The following RASGRF2 variants were observed in gnomAD, a reference collection of about 807,000 sequenced individuals.
RASGRF2 encodes ras-specific guanine nucleotide-releasing factor 2.
RASGRF2 carries 76 observed loss-of-function variants against 151.0 expected under a neutral mutation model. The ratio of observed to expected loss-of-function variants is 0.50; its 90% CI spans 0.42 to 0.61. RASGRF2 has a LOEUF of 0.61. RASGRF2 is among the 20% of genes least tolerant of loss of function. The pLI, the probability that RASGRF2 is intolerant of heterozygous loss-of-function variation, is 0.00. For missense variants in RASGRF2, 1,148 were observed against 1,564.6 expected (o/e 0.73, Z 4.49); for synonymous variants, 504 against 566.5 (o/e 0.89, Z 1.57).
At chr5:81,177,589 C>T (rs963041469) in intron 17 of RASGRF2, among the ~76,000 whole-genome samples, 1 of 150,650 alleles carries the variant, frequency 6.6e-6, no homozygotes, top group African/African-American at 2.5e-5. Context: ...CAGACAGGTG[C>T]TTGTGCCCAG....
intron 22 of RASGRF2, chr5:81,210,134 A>G (rs991301368): frequency 6.6e-6 from 1 of 152,604 alleles, no homozygotes; most frequent in African/African-American, 2.4e-5. Flanking sequence ...TTAGGTTCAG[A>G]GTCAGGTTCC....
intron 17 of RASGRF2, among the ~76,000 whole-genome samples, chr5:81,145,535 A>AC (rs1753986452): frequency 6.6e-6 from 1 of 152,190 alleles, no homozygotes; most frequent in Non-Finnish European, 1.5e-5. Context: ...ATCGTGTATG[A>AC]CTTTGGCACC....
At chr5:80,993,882 G>T (rs1048154207) in intron 1 of RASGRF2, among the ~76,000 whole-genome samples, 1 of 152,158 alleles carries the variant, frequency 6.6e-6, no homozygotes, top group Non-Finnish European at 1.5e-5. Context: ...AAGCCAGAGG[G>T]TTTCCATGTA....
At chr5:81,077,119 G>A (rs372215776) in intron 5 of RASGRF2, among the ~76,000 whole-genome samples, 12 of 152,318 alleles carry the variant, frequency 7.9e-5, no homozygotes, top group Admixed American at 2.6e-4. Flanking sequence ...AAGGTGGTGG[G>A]ATCTGGGGAT....
At chr5:81,158,160 T>C (rs1373044457) in intron 17 of RASGRF2, among the ~76,000 whole-genome samples, 1 of 152,182 alleles carries the variant, frequency 6.6e-6, no homozygotes, top group African/African-American at 2.4e-5. Context: ...TAGTACAGTA[T>C]TAGCAAAAAG....
chr5:80,995,692 C>CCCG (rs1454316454), intron 1 of RASGRF2, among the ~76,000 whole-genome samples: 1 of 121,928 alleles, frequency 8.2e-6, no homozygotes, highest in African/African-American at 3.0e-5. Context: ...CTTCCCCCCC[C>CCCG]CTTTTTTTTT....
chr5:80,984,241 A>G (rs1748405416), intron 1 of RASGRF2, among the ~76,000 whole-genome samples: 2 of 152,200 alleles, frequency 1.3e-5, no homozygotes, highest in South Asian at 4.2e-4. Flanking sequence ...TTTAGTAGAG[A>G]TGGGGTTTTG....
At chr5:81,149,932 G>T (rs1754096520) in intron 17 of RASGRF2, among the ~76,000 whole-genome samples, 1 of 152,204 alleles carries the variant, frequency 6.6e-6, no homozygotes, top group African/African-American at 2.4e-5. Context: ...TCTGAGTACT[G>T]TGGGGTGGGC....
chr5:81,163,531 C>A (rs1423688756), intron 17 of RASGRF2, among the ~76,000 whole-genome samples: 1 of 152,002 alleles, frequency 6.6e-6, no homozygotes, highest in Admixed American at 6.6e-5. Context: ...ACTCTGCAGA[C>A]CCCCCAAACT....
At chr5:81,068,865 C>T (rs1411655362) in intron 3 of RASGRF2, among the ~76,000 whole-genome samples, 2 of 152,112 alleles carry the variant, frequency 1.3e-5, no homozygotes, top group East Asian at 3.9e-4. Flanking sequence ...ATAGAGAATC[C>T]TGAATGTACC....
At chr5:81,189,402 T>C (rs1229439299) in intron 18 of RASGRF2, among the ~76,000 whole-genome samples, 2 of 152,166 alleles carry the variant, frequency 1.3e-5, no homozygotes, top group Non-Finnish European at 2.9e-5. Context: ...CTAGCAGCTA[T>C]GAGATGTTTT....
intron 1 of RASGRF2, among the ~76,000 whole-genome samples, chr5:81,006,579 T>C (rs1749276306): frequency 6.6e-6 from 1 of 152,158 alleles, no homozygotes; most frequent in Non-Finnish European, 1.5e-5. Flanking sequence ...GTTTTGGTGA[T>C]TTAGAAGCCA....
At chr5:81,032,233 G>T (rs1750282117) in intron 1 of RASGRF2, among the ~76,000 whole-genome samples, 1 of 152,076 alleles carries the variant, frequency 6.6e-6, no homozygotes, top group African/African-American at 2.4e-5. Context: ...AAGAGGAGAT[G>T]GTACCATTTC....
chr5:81,194,976 G>A (rs77519616), intron 18 of RASGRF2, among the ~76,000 whole-genome samples: 2 of 152,170 alleles, frequency 1.3e-5, no homozygotes, highest in Admixed American at 1.3e-4. Context: ...AGAGCAGGGC[G>A]GTTTCTTCGT....
At chr5:81,103,157 GACC>G (rs1360919180) in intron 12 of RASGRF2, among the ~76,000 whole-genome samples, 5 of 151,976 alleles carry the variant, frequency 3.3e-5, no homozygotes, top group Non-Finnish European at 7.4e-5. Context: ...GAAACTACAG[GACC>G]ACAACATTAC....
At chr5:81,106,367 C>T (rs1752846401) in intron 12 of RASGRF2, among the ~76,000 whole-genome samples, 1 of 152,134 alleles carries the variant, frequency 6.6e-6, no homozygotes, top group African/African-American at 2.4e-5. Context: ...TTCTGATCAT[C>T]CCTTGGGTCT....
At chr5:81,018,312 T>G (rs559161602) in intron 1 of RASGRF2, among the ~76,000 whole-genome samples, 2 of 152,160 alleles carry the variant, frequency 1.3e-5, no homozygotes, top group African/African-American at 4.8e-5. Flanking sequence ...AACAAAGTAT[T>G]TCCCCCTGTT....
chr5:81,072,843 C>T (rs1287035651), intron 4 of RASGRF2, among the ~76,000 whole-genome samples: 1 of 152,162 alleles, frequency 6.6e-6, no homozygotes, highest in African/African-American at 2.4e-5. Context: ...ATGTCCAGCT[C>T]TGTCGGTTAT....
At chr5:81,036,967 G>C (rs189678928) in intron 1 of RASGRF2, among the ~76,000 whole-genome samples, 1,666 of 152,280 alleles carry the variant, frequency 0.011, 11 homozygotes, top group Non-Finnish European at 0.018. Context: ...AGATTTAATG[G>C]ACTCACAGTT....
Sources: gnomAD v4.1 joint callset for allele counts (sites outside exome capture counted in the v4.1 genomes callset) on GRCh38, gnomAD v4.1.1 for gene constraint, MANE v1.5 for transcripts, NCBI Gene and HGNC (gene_info 2026-07-23, HGNC 2026-07-21) for gene names.